The following CCDC169 variants were observed in gnomAD, a reference collection of about 807,000 sequenced individuals.
The protein encoded by CCDC169 is coiled-coil domain containing 169, also known as coiled-coil domain-containing protein 169.
In CCDC169, 30 loss-of-function variants were observed where a neutral mutation model predicts 36.0. The ratio of observed to expected loss-of-function variants is 0.83; its 90% confidence interval spans 0.62 to 1.13. CCDC169 has a LOEUF of 1.13. Among genes scored for constraint, CCDC169 ranks in the 50% most tolerant of loss-of-function variants. The pLI is 0.00. For synonymous variants in CCDC169, 85 were observed against 81.5 expected, an observed-to-expected ratio of 1.04 and a Z score of -0.23; for missense variants, 245 against 245.9, an observed-to-expected ratio of 1.00 and a Z score of 0.03.
chr13:36,272,875 A>T (rs1160673612), intron 4 of CCDC169, among the ~76,000 whole-genome samples: 3 of 152,192 alleles, frequency 2.0e-5, no homozygotes, highest in African/African-American at 7.2e-5. Context: ...GGGATGGCAG[A>T]GGGGTCCCAG....
intron 7 of CCDC169, among the ~76,000 whole-genome samples, chr13:36,246,108 A>G (rs1872476243): frequency 6.6e-6 from 1 of 152,152 alleles, no homozygotes; most frequent in Non-Finnish European, 1.5e-5. Flanking sequence ...TTCTCTATTC[A>G]TTGAGACACA....
intron 4 of CCDC169, among the ~76,000 whole-genome samples, chr13:36,257,503 A>AG (rs1196875074): frequency 6.8e-3 from 1 of 146 alleles, no homozygotes; most frequent in African/African-American, 0.011. Context: ...CAAGAGATCG[A>AG]GACATCCTGG....
chr13:36,228,798 G>A (rs1172707892), downstream of CCDC169, among the ~76,000 whole-genome samples: 7 of 152,020 alleles, frequency 4.6e-5, no homozygotes, highest in African/African-American at 1.5e-4. Context: ...CAATTCACCC[G>A]CCTCACCCTC....
intron 4 of CCDC169, among the ~76,000 whole-genome samples, chr13:36,255,076 C>T (rs904048831): frequency 2.6e-5 from 4 of 152,122 alleles, no homozygotes; most frequent in African/African-American, 9.7e-5. Flanking sequence ...ACATGGCGGT[C>T]ATCCAGCTTT....
At chr13:36,252,664 C>G (rs1168568492) in intron 6 of CCDC169, among the ~76,000 whole-genome samples, 1 of 152,128 alleles carries the variant, frequency 6.6e-6, no homozygotes, top group African/African-American at 2.4e-5. Flanking sequence ...ACTGTATATT[C>G]TCCCCAAAGC....
downstream of CCDC169, chr13:36,225,043 G>A (rs9531628): frequency 0.41 from 61,620 of 151,882 alleles, 13,268 homozygotes; most frequent in Non-Finnish European, 0.48. Flanking sequence ...AATAAGGAAA[G>A]GACTCCCTAT....
In CCDC169 at chr13:36,295,823, G is replaced by C. The variant is rs1416514095; in HGVS notation, c.118C>G (p.His40Asp). The C allele has an allele frequency of 7.8e-6, 12 of 1,543,794 alleles. No homozygotes were observed. The South Asian group carries it at 1.1e-4, about 14-fold the overall frequency. The change falls in exon 2 of 8, where the codon CAC becomes GAC. Residue 40 changes from histidine (H) to aspartate (D), a missense_variant. Physicochemically the swap from His to Asp is moderately conservative, Grantham distance 81. Coordinates refer to ENST00000239859, the MANE Select transcript of CCDC169 (RefSeq NM_001144981.3). ...TTGGCTTCCAGTTCCGTAATCTTGT[G>C]TCTTAGTTCAAATATTGAGAGTTGC... Reference protein sequence around the residue: ...AVQLSIFELRHKITELEAKLN... With the variant: ...AVQLSIFELRDKITELEAKLN...
intron 2 of CCDC169, among the ~76,000 whole-genome samples, chr13:36,292,706 C>T (rs183032112): frequency 6.6e-6 from 1 of 152,106 alleles, no homozygotes; most frequent in Non-Finnish European, 1.5e-5. Flanking sequence ...ACAGGGGATG[C>T]TAGCTGAAGG....
chr13:36,228,751 A>G (rs9531636), downstream of CCDC169, among the ~76,000 whole-genome samples: 61,603 of 151,982 alleles, frequency 0.41, 13,277 homozygotes, highest in Non-Finnish European at 0.48. Flanking sequence ...GAGTTTTGCC[A>G]TGTTGCTCAG....
intron 7 of CCDC169, among the ~76,000 whole-genome samples, 173 bp downstream of exon 7, chr13:36,248,433 A>G (rs1165749053): frequency 1.3e-5 from 2 of 152,086 alleles, no homozygotes; most frequent in African/African-American, 4.8e-5. Flanking sequence ...AAAAATGTGT[A>G]TAAATAGTGG....
intron 4 of CCDC169, among the ~76,000 whole-genome samples, chr13:36,272,448 A>G (rs1340213996): frequency 6.6e-6 from 1 of 152,138 alleles, no homozygotes; most frequent in Non-Finnish European, 1.5e-5. Flanking sequence ...TTTGAAGCCC[A>G]GCACCTAGGG....
chr13:36,296,946 C>A lies in CCDC169; in HGVS notation c.83+691G>T, dbSNP rs60024000. ...TTGCAGGACTGTCCTCAAGTACTTG[C>A]TCTTATTCTCTACTTCCTCAGAATA... On this transcript the variant is annotated intron_variant, in intron 1 of 7. Transcript: ENST00000239859. Among the ~76,000 whole-genome samples, 198 of 152,310 alleles carry A rather than the reference C, an allele frequency of 1.3e-3. 1 individual carries two copies. Among genetic ancestry groups the A allele is most frequent in the African/African-American group, 4.5e-3 (186 of 41,560 alleles).
At chr13:36,225,755 C>A (rs1869842869), downstream of CCDC169, 1 of 151,874 alleles carries the variant, frequency 6.6e-6, no homozygotes, top group Admixed American at 6.6e-5. Flanking sequence ...CAAAAAATAA[C>A]CCCATTAAAA....
intron 7 of CCDC169, chr13:36,240,495 G>A: frequency 2.1e-6 from 1 of 473,418 alleles, no homozygotes; most frequent in South Asian, 2.6e-5. Flanking sequence ...TATTTTGGTT[G>A]TGTTATCTCT....
At chr13:36,275,541 AT>A (rs1385325463) in intron 4 of CCDC169, among the ~76,000 whole-genome samples, 1 of 152,226 alleles carries the variant, frequency 6.6e-6, no homozygotes, top group African/African-American at 2.4e-5. Context: ...CTCAGAGATT[AT>A]AGCATTTTAA....
rs888736922 is a variant in CCDC169, at chr13:36,242,819, C to T, written c.545+5787G>A. ...TACCTCGATGCACCAGCACCTTAAG[C>T]TCAGTTCAGACCTGTGGTGTGGAGG... On this transcript the variant is annotated intron_variant, in intron 7 of 7. Transcript: ENST00000239859. 9.2e-5 allele frequency among the ~76,000 whole-genome samples: 14 copies of T among 152,132 alleles called. No homozygotes were observed. The East Asian group carries it at 9.7e-4, about 11-fold the overall frequency.
rs537806362 is a variant in CCDC169 at position 36,251,127 on chromosome 13, AG to A, written c.469-2446del. 9.8e-5 allele frequency among the ~76,000 whole-genome samples: 15 copies of A among 152,336 alleles called. No homozygotes were observed. In the South Asian group the frequency reaches 3.1e-3, roughly 32 times the overall value. On this transcript the variant is annotated intron_variant, in intron 6 of 7. Transcript: ENST00000239859. ...TTGTGCATATCAGAAGACTCCCAAG[AG>A]GGGGAAACTCAGTTTCATTCAAAAC...
chr13:36,228,726 T>A (rs994801179), downstream of CCDC169, among the ~76,000 whole-genome samples: 1 of 152,092 alleles, frequency 6.6e-6, no homozygotes, highest in Non-Finnish European at 1.5e-5. Context: ...AATTTTTGTA[T>A]TTTTTGTAGA....
Position 36,240,952 on chromosome 13 carries a change from C to T in CCDC169, c.545+7654G>A, listed in dbSNP as rs74045283. On this transcript the variant is annotated intron_variant, in intron 7 of 7. Coordinates refer to ENST00000239859, the MANE Select transcript of CCDC169 (RefSeq NM_001144981.3). ...GATATATGTAAAGATCTCTAGAATACATCCTTCAACAGCAGTATAGATATC... is the reference window on the plus strand; with the variant it reads ...GATATATGTAAAGATCTCTAGAATATATCCTTCAACAGCAGTATAGATATC... Among the ~76,000 whole-genome samples the T allele has an allele frequency of 3.9e-3, 592 of 152,126 alleles. 2 individuals carry two copies. The highest frequency in any genetic ancestry group is 0.014 in the African/African-American group (568 of 41,510).
Sources: gnomAD v4.1 joint callset for allele counts (sites outside exome capture counted in the v4.1 genomes callset) on GRCh38, gnomAD v4.1.1 for gene constraint, MANE v1.5 for transcripts, NCBI Gene and HGNC (gene_info 2026-07-23, HGNC 2026-07-21) for gene names.